The following SNX17 variants were observed in gnomAD, a reference collection of about 807,000 sequenced individuals.
The protein encoded by SNX17 is sorting nexin-17.
SNX17 carries 35 observed loss-of-function variants against 64.3 expected under a neutral mutation model. That is an observed-to-expected ratio of 0.54 (90% CI 0.42 to 0.72). SNX17 has a LOEUF of 0.72. Ranked by LOEUF, SNX17 falls within the 30% of genes least tolerant of loss-of-function variation. The pLI is 0.00. For synonymous variants in SNX17, 259 were observed against 230.2 expected, an observed-to-expected ratio of 1.13 and a Z score of -1.13; for missense variants, 538 against 610.0, an observed-to-expected ratio of 0.88 and a Z score of 1.24.
intron 3 of SNX17, chr2:27,373,022 T>C (rs1262336580): frequency 1.3e-6 from 2 of 1,541,150 alleles, no homozygotes; most frequent in South Asian, 2.4e-5. Context: ...TAGATTAACA[T>C]CATTGTTATT....
At chr2:27,374,470 G>A (rs1682963352) in intron 7 of SNX17, 37 bp downstream of exon 7, 3 of 1,559,894 alleles carry the variant, frequency 1.9e-6, no homozygotes, top group Non-Finnish European at 2.7e-6. Flanking sequence ...GGTGGGAGGT[G>A]CTGTGCTGGA....
At position 27,376,389 on chromosome 2, in the gene SNX17, T is replaced by C. The variant is rs112489347; in HGVS notation, c.1257+2T>C. 6.2e-7 allele frequency: 1 copy of C among 1,613,770 alleles called. No homozygotes were observed. The highest frequency in any genetic ancestry group is 8.5e-7 in the Non-Finnish European group (1 of 1,179,898). On this transcript the variant is annotated splice_donor_variant, in intron 13 of 14. Coordinates refer to ENST00000233575, the MANE Select transcript of SNX17 (RefSeq NM_014748.4). LOFTEE classifies it high-confidence loss of function. ...GCAGTGAAGTCCCCACCACTGCTTG[T>C]AAGTATTACCTCCTGGTCAGAACCC...
intron 8 of SNX17, 124 bp from the exon 9 acceptor site, chr2:27,374,936 GA>G: frequency 1.1e-6 from 1 of 942,088 alleles, no homozygotes; most frequent in Non-Finnish European, 1.6e-6. Flanking sequence ...CAAGATCAAG[GA>G]CTTACTGCAG....
intron 8 of SNX17, 75 bp from the exon 9 acceptor site, chr2:27,374,986 C>A: frequency 7.3e-7 from 1 of 1,366,248 alleles, no homozygotes; most frequent in Non-Finnish European, 1.0e-6. Context: ...TCAGGCTGGA[C>A]AGAGGTAATG....
intron 1 of SNX17, 88 bp downstream of exon 1, chr2:27,370,894 G>C: frequency 2.1e-6 from 3 of 1,419,010 alleles, no homozygotes; most frequent in Non-Finnish European, 2.8e-6. Flanking sequence ...AGGCCTGACC[G>C]CCACCCTTCG....
chr2:27,370,932 A>G lies in SNX17; in HGVS notation c.63+126A>G, dbSNP rs116777544. On this transcript the variant is annotated intron_variant, in intron 1 of 14. Coordinates refer to ENST00000233575, the MANE Select transcript of SNX17 (RefSeq NM_014748.4). ...CCTGGTCCTGGGCCGCCGACTCCCG[A>G]CGGCCTCTCTGGGAGCTTATCTCAT... 1,674 of 1,073,362 alleles carry G rather than the reference A, an allele frequency of 1.6e-3. 17 individuals carry two copies. The African/African-American group carries it at 0.024, about 16-fold the overall frequency. The allele number at this position is 1,073,362 out of a possible 1,614,324, so 66.5% of individuals were successfully genotyped here.
intron 12 of SNX17, 28 bp from the exon 13 acceptor site, chr2:27,376,285 C>T (rs1683212400): frequency 2.5e-6 from 4 of 1,611,670 alleles, no homozygotes; most frequent in East Asian, 2.2e-5. Context: ...TGATCCTGCC[C>T]TCACCGGCAC....
chr2:27,375,082 G>T lies in SNX17; in HGVS notation c.703G>T (p.Gly235Trp). The T allele has an allele frequency of 6.2e-7, 1 of 1,614,096 alleles. No homozygotes were observed. The highest frequency in any genetic ancestry group is 8.5e-7 in the Non-Finnish European group (1 of 1,180,006). ...YAQTVSDIERGWILVTKEQHR... is the reference protein window; with the variant it reads ...YAQTVSDIERWWILVTKEQHR... ...ATAGACGGTATCAGATATTGAGCGTGGGTGGATCTTGGTCACCAAGGAACA... is the reference window on the plus strand; with the variant it reads ...ATAGACGGTATCAGATATTGAGCGTTGGTGGATCTTGGTCACCAAGGAACA... The change falls in exon 9 of 15, where the codon GGG becomes TGG. Residue 235 changes from glycine to tryptophan, a missense_variant. Physicochemically the swap from Gly to Trp is radical, Grantham distance 184. Transcript: ENST00000233575. This position sits in a 1 kb window ranked among gnomAD's most constrained non-coding sequence, Gnocchi z 4.1.
In SNX17 at chr2:27,376,536, G is replaced by A. The variant is rs1402127742; in HGVS notation, c.1299+16G>A. ...CAAACTCTCAGTGAGTTCCAGCGTT[G>A]GTGAGGTTGCTGTTTGTTGGGGGAT... On this transcript the variant is annotated intron_variant, in intron 14 of 14. Transcript: ENST00000233575. The A allele has an allele frequency of 6.2e-7, 1 of 1,614,176 alleles. No individual in the cohort carries two copies. Among genetic ancestry groups the A allele is most frequent in the Admixed American group, 1.7e-5 (1 of 60,030 alleles).
Position 27,373,961 on chromosome 2 carries a change from A to C in SNX17, c.422A>C (p.Asp141Ala). 6.2e-7 allele frequency: 1 copy of C among 1,614,136 alleles called. No individual in the cohort carries two copies. Among genetic ancestry groups the C allele is most frequent in the Non-Finnish European group, 8.5e-7 (1 of 1,179,988 alleles). Residue 141 changes from aspartate (D) to alanine (A), a missense_variant, in exon 5 of 15, where the codon GAT (aspartate) becomes GCT (alanine). Physicochemically the swap from Asp to Ala is moderately radical, Grantham distance 126. Transcript: ENST00000233575. Reference protein sequence around the residue: ...VNVLTSDQTEDVLEAVAAKLD... With the variant: ...VNVLTSDQTEAVLEAVAAKLD... The stretch of plus-strand genomic sequence containing the variant: ...GTGCTAACTTCAGATCAGACTGAGG[A>C]TGTCCTGGAGGTGAGGCGCTTGTTC...
In SNX17 at chr2:27,375,798, G is replaced by A; in HGVS notation, c.979-48G>A. 1.2e-6 allele frequency: 2 copies of A among 1,610,686 alleles called. No individual in the cohort carries two copies. Among genetic ancestry groups the A allele is most frequent in the Non-Finnish European group, 1.7e-6 (2 of 1,178,114 alleles). On this transcript the variant is annotated intron_variant, in intron 10 of 14. Coordinates refer to ENST00000233575, the MANE Select transcript of SNX17 (RefSeq NM_014748.4). This position sits in a 1 kb window ranked among gnomAD's most constrained non-coding sequence, Gnocchi z 4.1. ...TGGGCTGCAGCGGGTCAGGGAGCCA[G>A]ACAGGTTGGTCAGAGTGAACTCAAC...
chr2:27,373,125 T>G (rs1429347920), intron 3 of SNX17, 122 bp from the exon 4 acceptor site: 7 of 1,595,834 alleles, frequency 4.4e-6, no homozygotes, highest in Non-Finnish European at 6.0e-6. Context: ...TGAGGCCAGC[T>G]GGGGGATGTG....
chr2:27,371,225 G>A, intron 1 of SNX17, 44 bp from the exon 2 acceptor site: 1 of 1,579,832 alleles, frequency 6.3e-7, no homozygotes, highest in Non-Finnish European at 8.7e-7. Flanking sequence ...GGGGGGTTGC[G>A]CAGACCGCAA....
Position 27,372,630 on chromosome 2 carries a change from A to T in SNX17, c.146A>T (p.Lys49Met). The T allele has an allele frequency of 6.2e-7, 1 of 1,614,218 alleles. No homozygotes were observed. Residue 49 changes from lysine to methionine, a missense_variant, in exon 3 of 15, where the codon AAG becomes ATG. Coordinates refer to ENST00000233575, the MANE Select transcript of SNX17 (RefSeq NM_014748.4). Reference sequence around the variant, plus strand: ...ATCTCTTTCTCTAAATAGCTTCGGAAGGAGTATGGGGCCAATGTGCTTCCT... The same window carrying T: ...ATCTCTTTCTCTAAATAGCTTCGGATGGAGTATGGGGCCAATGTGCTTCCT... ...QLLGLHEQLRKEYGANVLPAF... is the reference protein window; with the variant it reads ...QLLGLHEQLRMEYGANVLPAF...
At position 27,374,229 on chromosome 2, in the gene SNX17, G is replaced by A. The variant is rs2148399999; in HGVS notation, c.523+54G>A. On this transcript the variant is annotated intron_variant, in intron 6 of 14. Transcript: ENST00000233575. The stretch of plus-strand genomic sequence containing the variant: ...CAAGGGTACTTCAGTAGAGTTTGCA[G>A]CCCCCCTAACTCCCCACCCCCACCC... The A allele has an allele frequency of 1.9e-6, 3 of 1,576,696 alleles. No individual in the cohort carries two copies. The South Asian group carries it at 3.3e-5, about 17-fold the overall frequency.
intron 4 of SNX17, 137 bp downstream of exon 4, chr2:27,373,448 C>T (rs775768070): frequency 1.2e-4 from 96 of 818,672 alleles, no homozygotes; most frequent in East Asian, 5.7e-4. Context: ...CTGCAATCTC[C>T]GCCTCCCGGA....
chr2:27,377,529 G>T lies in SNX17; in HGVS notation c.*810G>T, dbSNP rs1558310537. 1 of 1,613,328 alleles carries T rather than the reference G, an allele frequency of 6.2e-7. No individual in the cohort carries two copies. The highest frequency in any genetic ancestry group is 8.5e-7 in the Non-Finnish European group (1 of 1,179,440). On this transcript the variant is annotated 3_prime_UTR_variant, in exon 15 of 15. Coordinates refer to ENST00000233575, the MANE Select transcript of SNX17 (RefSeq NM_014748.4). This position sits in a 1 kb window ranked among gnomAD's most constrained non-coding sequence, Gnocchi z 4.4. ...TCTGGTCCGTCTGTATAAAACATGG[G>T]GAAGAAGGACCTAGTTCAGGATGAG...
chr2:27,375,701 ACCT>A lies in SNX17; in HGVS notation c.975_977del (p.Ser326del), dbSNP rs1683122520. On this transcript the variant is annotated inframe_deletion, in exon 10 of 15. Transcript: ENST00000233575. This position sits in a 1 kb window ranked among gnomAD's most constrained non-coding sequence, Gnocchi z 4.1. ...CACCCGCATGCGATGCTGGCGGGTCACCTCCTCTGTGAGTCGGGTTAGGAGGGG... is the reference window on the plus strand; with the variant it reads ...CACCCGCATGCGATGCTGGCGGGTCACCTCTGTGAGTCGGGTTAGGAGGGG... 1.2e-6 allele frequency: 2 copies of A among 1,613,402 alleles called. No individual in the cohort carries two copies. The highest frequency in any genetic ancestry group is 1.7e-6 in the Non-Finnish European group (2 of 1,179,930).
Position 27,377,425 on chromosome 2 carries a change from C to T in SNX17, c.*706C>T, listed in dbSNP as rs547158720. ...CCTGGTCCATATGGGCCCCCCCGCC[C>T]ATGGGGTTGGGCTGGTCCTTATAGT... On this transcript the variant is annotated 3_prime_UTR_variant, in exon 15 of 15. Coordinates refer to ENST00000233575, the MANE Select transcript of SNX17 (RefSeq NM_014748.4). The surrounding 1 kb of genome is among the most constrained non-coding windows in gnomAD (Gnocchi z 4.4). The T allele has an allele frequency of 2.0e-5, 23 of 1,129,212 alleles. No individual in the cohort carries two copies. The East Asian group carries it at 3.5e-4, about 17-fold the overall frequency. 69.9% of individuals were successfully genotyped at this position (1,129,212 alleles called of 1,614,324 possible). A position where few individuals can be genotyped will look rare whatever the true frequency, so the allele number is the denominator to read the frequency against.
Sources: allele counts gnomAD v4.1 joint callset, GRCh38; gene constraint gnomAD v4.1.1; non-coding constraint Gnocchi (gnomAD v3.1); transcripts MANE v1.5; gene names NCBI Gene and HGNC (gene_info 2026-07-23, HGNC 2026-07-21).